Variants in ATP8A1 observed in about 807,000 individuals in gnomAD.
The protein encoded by ATP8A1 is ATPase phospholipid transporting 8A1, also known as phospholipid-transporting ATPase IA.
In ATP8A1, 90 loss-of-function variants were observed where a neutral mutation model predicts 177.7. The ratio of observed to expected loss-of-function variants is 0.51; its 90% CI spans 0.43 to 0.60. The LOEUF (loss-of-function observed/expected upper bound fraction) is 0.60. ATP8A1 is among the 20% of genes least tolerant of loss of function. The pLI is 0.00. For synonymous variants in ATP8A1, 493 were observed against 485.9 expected, an observed-to-expected ratio of 1.01 and a Z score of -0.19; for missense variants, 1,072 against 1,392.8, an observed-to-expected ratio of 0.77 and a Z score of 3.67.
At chr4:42,640,591 AT>A (rs1739874348) in intron 1 of ATP8A1, among the ~76,000 whole-genome samples, 1 of 152,192 alleles carries the variant, frequency 6.6e-6, no homozygotes, top group Admixed American at 6.5e-5. Flanking sequence ...TGTAGGCCCT[AT>A]TGTTATAAAT....
chr4:42,488,874 TA>T (rs548436598), intron 24 of ATP8A1, among the ~76,000 whole-genome samples: 5 of 152,218 alleles, frequency 3.3e-5, no homozygotes, highest in Non-Finnish European at 7.3e-5. Context: ...AAGACCGCGT[TA>T]AACCTGTTTC....
At chr4:42,451,729 A>G (rs546410277) in intron 30 of ATP8A1, among the ~76,000 whole-genome samples, 1 of 152,372 alleles carries the variant, frequency 6.6e-6, no homozygotes, top group African/African-American at 2.4e-5. Context: ...AAAAAGCCCT[A>G]AAATTTAACT....
At chr4:42,484,600 G>C (rs977721579) in intron 25 of ATP8A1, among the ~76,000 whole-genome samples, 15 of 152,040 alleles carry the variant, frequency 9.9e-5, no homozygotes, top group African/African-American at 3.6e-4. Flanking sequence ...GGTATAAAAA[G>C]CATAACTTTA....
At chr4:42,516,056 T>C (rs1313053719) in intron 22 of ATP8A1, among the ~76,000 whole-genome samples, 2 of 152,222 alleles carry the variant, frequency 1.3e-5, no homozygotes, top group Non-Finnish European at 2.9e-5. Context: ...CAAGTACTTA[T>C]TAAGCTCCAA....
chr4:42,455,960 GTTAT>G (rs894498135), intron 27 of ATP8A1, among the ~76,000 whole-genome samples: 6 of 152,120 alleles, frequency 3.9e-5, no homozygotes, highest in African/African-American at 1.4e-4. Context: ...CAGGATTGTA[GTTAT>G]TTAAAGATTG....
At chr4:42,435,460 A>AAAAAAAAAAAAAAAAAAAAAAC (rs1560320624) in intron 33 of ATP8A1, among the ~76,000 whole-genome samples, 1 of 108,214 alleles carries the variant, frequency 9.2e-6, no homozygotes, top group African/African-American at 3.0e-5. Context: ...CAAAAAAAAA[A>AAAAAAAAAAAAAAAAAAAAAAC]AAACAAACTA....
At chr4:42,567,342 T>A (rs975788777) in intron 15 of ATP8A1, among the ~76,000 whole-genome samples, 1 of 152,096 alleles carries the variant, frequency 6.6e-6, no homozygotes, top group African/African-American at 2.4e-5. Flanking sequence ...AGTTTAAGAC[T>A]AGCCTGGCCA....
chr4:42,443,213 C>T (rs112653620), intron 33 of ATP8A1, among the ~76,000 whole-genome samples: 3,028 of 152,292 alleles, frequency 0.02, 60 homozygotes, highest in South Asian at 0.089. Flanking sequence ...CAGAAACTCA[C>T]CATTTCCCCA....
At chr4:42,656,777 A>G (rs1577802732) in intron 1 of ATP8A1, 48 bp downstream of exon 1, 3 of 1,503,334 alleles carry the variant, frequency 2.0e-6, no homozygotes, top group South Asian at 1.3e-5. Flanking sequence ...TCACACACAC[A>G]CTCGCTTCCC....
At chr4:42,423,766 GT>G in intron 33 of ATP8A1, 61 bp from the exon 34 acceptor site, 1 of 1,137,466 alleles carries the variant, frequency 8.8e-7, no homozygotes, top group Non-Finnish European at 1.3e-6. Flanking sequence ...TTTGTGTTTA[GT>G]TTTTATGTAT....
chr4:42,607,100 C>T (rs1166176429), intron 5 of ATP8A1, among the ~76,000 whole-genome samples: 1 of 152,198 alleles, frequency 6.6e-6, no homozygotes, highest in Non-Finnish European at 1.5e-5. Flanking sequence ...GAAAATATTA[C>T]AGAACCTTGC....
chr4:42,498,172 T>C (rs1173479425), intron 24 of ATP8A1, among the ~76,000 whole-genome samples: 1 of 152,162 alleles, frequency 6.6e-6, no homozygotes, highest in Non-Finnish European at 1.5e-5. Context: ...AAACCTGAAG[T>C]AGCCCAAATT....
chr4:42,586,476 C>G lies in ATP8A1; in HGVS notation c.595G>C (p.Gly199Arg). The G allele has an allele frequency of 2.5e-6, 4 of 1,612,922 alleles. No individual in the cohort carries two copies. The highest frequency in any genetic ancestry group is 3.4e-6 in the Non-Finnish European group (4 of 1,179,674). Reference protein sequence around the residue: ...DGETNLKIRQGLPATSDIKDV... With the variant: ...DGETNLKIRQRLPATSDIKDV... ...TTGATATCTGATGTTGCTGGTAAGC[C>G]CTGTTTGGAATTTTTAAATAAGCAA... is the stretch of plus-strand genomic sequence containing the variant. The change falls in exon 9 of 37, where the codon GGC becomes CGC. Residue 199 changes from glycine to arginine, a missense_variant and splice_region_variant. By Grantham distance (125) the Gly-to-Arg change is moderately radical. This residue lies in a region of ATP8A1 where 344 missense variants were observed against 393.5 expected (regional missense o/e 0.87). Coordinates refer to ENST00000381668, the MANE Select transcript of ATP8A1 (RefSeq NM_006095.2).
chr4:42,486,917 T>A (rs935271572), intron 24 of ATP8A1, among the ~76,000 whole-genome samples: 2 of 152,192 alleles, frequency 1.3e-5, no homozygotes, highest in Non-Finnish European at 2.9e-5. Context: ...TCTATGATGT[T>A]CATACAATGA....
At chr4:42,525,033 T>A (rs1726541230) in intron 20 of ATP8A1, among the ~76,000 whole-genome samples, 186 bp from the exon 21 acceptor site, 1 of 152,260 alleles carries the variant, frequency 6.6e-6, no homozygotes, top group Non-Finnish European at 1.5e-5. Flanking sequence ...AAGTCTCTAG[T>A]CTTGCATCTT....
intron 24 of ATP8A1, among the ~76,000 whole-genome samples, chr4:42,495,563 C>A (rs765689059): frequency 1.4e-4 from 22 of 152,002 alleles, no homozygotes; most frequent in Admixed American, 1.0e-3. Flanking sequence ...CCCCTGCAAC[C>A]CCCTGACACA....
intron 25 of ATP8A1, among the ~76,000 whole-genome samples, chr4:42,476,477 T>C (rs1721076581): frequency 6.6e-6 from 1 of 151,124 alleles, no homozygotes; most frequent in African/African-American, 2.4e-5. Context: ...AAATTAGCCA[T>C]GCGTGGTGGT....
chr4:42,485,641 A>G lies in ATP8A1; in HGVS notation c.2179T>C (p.Cys727Arg), dbSNP rs775197702. The change falls in exon 25 of 37, where the codon TGT becomes CGT. Residue 727 changes from cysteine (C) to arginine (R), a missense_variant. This residue lies in a region of ATP8A1 where 388 missense variants were observed against 471.7 expected (regional missense o/e 0.82). Transcript: ENST00000381668. ...DGTRETLSRH[C>R]TTLGDALRKE... ...CGGAGAGCATCACCAAGGGTAGTAC[A>G]GTGACGACTGAGAGTTTCCCTTGTT... is the stretch of plus-strand genomic sequence containing the variant. 6.2e-7 allele frequency: 1 copy of G among 1,611,436 alleles called. No individual in the cohort carries two copies. Among genetic ancestry groups the G allele is most frequent in the Non-Finnish European group, 8.5e-7 (1 of 1,179,158 alleles).
At chr4:42,589,040 T>C (rs1176488767) in intron 7 of ATP8A1, among the ~76,000 whole-genome samples, 1 of 152,172 alleles carries the variant, frequency 6.6e-6, no homozygotes, top group Admixed American at 6.5e-5. Flanking sequence ...ATGCACTTCA[T>C]GGGTTCCCCA....
Sources: gnomAD v4.1 joint callset for allele counts (sites outside exome capture counted in the v4.1 genomes callset) on GRCh38, gnomAD v4.1.1 for gene constraint, gnomAD v4.1.1 regional missense constraint, MANE v1.5 for transcripts, NCBI Gene and HGNC (gene_info 2026-07-23, HGNC 2026-07-21) for gene names.